The following TNFRSF10D variants were observed in gnomAD, a reference collection of about 807,000 sequenced individuals.
The protein encoded by TNFRSF10D is tumor necrosis factor receptor superfamily member 10D.
Under a neutral mutation model 42.1 loss-of-function variants are expected in TNFRSF10D, and 28 were observed. The observed-to-expected ratio is 0.66, with a 90% CI of 0.49 to 0.91. TNFRSF10D has a LOEUF of 0.91. Ranked by LOEUF, TNFRSF10D falls within the 40% of genes least tolerant of loss-of-function variation. TNFRSF10D has a pLI of 0.00. For synonymous variants in TNFRSF10D, 186 were observed against 189.4 expected, an observed-to-expected ratio of 0.98 and a Z score of 0.15; for missense variants, 503 against 486.1, an observed-to-expected ratio of 1.03 and a Z score of -0.33.
chr8:23,146,029 G>T, intron 4 of TNFRSF10D, 108 bp from the exon 5 acceptor site: 1 of 1,493,290 alleles, frequency 6.7e-7, no homozygotes, highest in Admixed American at 1.7e-5. Context: ...GGCGTCAGGA[G>T]GACAGGCTCC....
In TNFRSF10D at chr8:23,138,352, C is replaced by T. The variant is rs116682922; in HGVS notation, c.955-92G>A. 280 of 1,388,072 alleles carry T rather than the reference C, an allele frequency of 2.0e-4. No individual in the cohort carries two copies. The African/African-American group carries it at 2.8e-3, about 14-fold the overall frequency. The allele number at this position is 1,388,072 out of a possible 1,614,324, so 86.0% of individuals were successfully genotyped here. On this transcript the variant is annotated intron_variant, in intron 7 of 8. Transcript: ENST00000312584. ...CCACTAGCCAGCAAGAGACCTGCAG[C>T]GCTTTCCCTCTTGGGTCTCCATGGA... is the stretch of plus-strand genomic sequence containing the variant.
intron 2 of TNFRSF10D, among the ~76,000 whole-genome samples, chr8:23,149,343 T>C (rs1457727413): frequency 1.3e-5 from 2 of 151,616 alleles, no homozygotes. Flanking sequence ...GTTCAAGCGA[T>C]TCTCCTGCCT....
chr8:23,145,608 C>T lies in TNFRSF10D; in HGVS notation c.736+60G>A, dbSNP rs190369300. 1.1e-4 allele frequency: 171 copies of T among 1,608,168 alleles called. No individual in the cohort carries two copies. In the African/African-American group the frequency reaches 2.0e-3, roughly 19 times the overall value. On this transcript the variant is annotated intron_variant, in intron 5 of 8. Transcript: ENST00000312584. ...GGATGGGGATTACTGTCTGTGGGAA[C>T]GGAGTGGGAGAGGGCAGGGCAGACA... is the stretch of plus-strand genomic sequence containing the variant.
At chr8:23,142,928 G>A (rs1800052738) in intron 7 of TNFRSF10D, among the ~76,000 whole-genome samples, 1 of 152,072 alleles carries the variant, frequency 6.6e-6, no homozygotes, top group Non-Finnish European at 1.5e-5. Context: ...GGGGGCTGGA[G>A]GAAGTGTTAG....
At chr8:23,143,430 A>G (rs980663727) in intron 7 of TNFRSF10D, among the ~76,000 whole-genome samples, 6 of 152,248 alleles carry the variant, frequency 3.9e-5, no homozygotes, top group Admixed American at 3.9e-4. Context: ...GGAGTTTGAG[A>G]CCAGCCTGGG....
intron 2 of TNFRSF10D, among the ~76,000 whole-genome samples, chr8:23,149,089 C>T (rs1585261657): frequency 6.9e-6 from 1 of 145,416 alleles, no homozygotes; most frequent in East Asian, 2.2e-4. Context: ...ACTCGGGAGG[C>T]TGAGGCAGGA....
At chr8:23,148,582 G>A in intron 2 of TNFRSF10D, 31 bp from the exon 3 acceptor site, 2 of 1,527,628 alleles carry the variant, frequency 1.3e-6, no homozygotes, top group Non-Finnish European at 1.8e-6. Flanking sequence ...TAATGAATGA[G>A]TCACCACAGA....
rs775853874 is a variant in TNFRSF10D at position 23,163,812 on chromosome 8, C to T, written c.124G>A (p.Val42Ile). 6.2e-7 allele frequency: 1 copy of T among 1,609,432 alleles called. No individual in the cohort carries two copies. The highest frequency in any genetic ancestry group is 1.1e-5 in the South Asian group (1 of 90,138). ...LLDPKILKFV[V>I]FIVAVLLPVR... ...GGCAGCAGAACCGCGACGATGAAGA[C>T]GACGAACTTAAGGATCTTGGGGTCC... Residue 42 changes from valine (V) to isoleucine (I), a missense_variant, in exon 1 of 9, where the codon GTC becomes ATC. Physicochemically the swap from Val to Ile is conservative, Grantham distance 29. Coordinates refer to ENST00000312584, the MANE Select transcript of TNFRSF10D (RefSeq NM_003840.5).
chr8:23,150,603 T>G (rs1225379559), intron 2 of TNFRSF10D, among the ~76,000 whole-genome samples: 1 of 152,170 alleles, frequency 6.6e-6, no homozygotes, highest in Non-Finnish European at 1.5e-5. Flanking sequence ...AAAACAGTCA[T>G]CTTACAGAAG....
chr8:23,144,406 T>G, intron 7 of TNFRSF10D, 44 bp downstream of exon 7: 1 of 1,594,012 alleles, frequency 6.3e-7, no homozygotes, highest in Non-Finnish European at 8.6e-7. Context: ...CAAAGTCCTG[T>G]GCAGGCTGCA....
intron 1 of TNFRSF10D, among the ~76,000 whole-genome samples, chr8:23,156,652 C>A (rs1429819204): frequency 1.3e-5 from 2 of 151,908 alleles, no homozygotes; most frequent in Non-Finnish European, 2.9e-5. Flanking sequence ...ACAATCTCTG[C>A]CTCCCGGGCT....
intron 1 of TNFRSF10D, among the ~76,000 whole-genome samples, chr8:23,156,723 A>G (rs1585265231): frequency 6.6e-6 from 1 of 151,992 alleles, no homozygotes; most frequent in South Asian, 2.1e-4. Context: ...GAGTGCCCCA[A>G]TGCCTGGGCT....
chr8:23,147,264 C>A (rs550782183), intron 3 of TNFRSF10D, among the ~76,000 whole-genome samples, 192 bp from the exon 4 acceptor site: 45 of 152,098 alleles, frequency 3.0e-4, no homozygotes, highest in Non-Finnish European at 5.3e-4. Flanking sequence ...ACAAAAGGAC[C>A]GTGATTCATT....
chr8:23,163,578 C>A (rs1398691530), intron 1 of TNFRSF10D, among the ~76,000 whole-genome samples: 1 of 152,176 alleles, frequency 6.6e-6, no homozygotes, highest in Non-Finnish European at 1.5e-5. Flanking sequence ...AGGGGGAGCG[C>A]GCGCTCTGCT....
intron 2 of TNFRSF10D, among the ~76,000 whole-genome samples, chr8:23,153,448 A>G (rs1233902993): frequency 6.6e-6 from 1 of 152,238 alleles, no homozygotes; most frequent in Non-Finnish European, 1.5e-5. Flanking sequence ...ACAGGATGAG[A>G]GATCAATATC....
chr8:23,161,514 G>A (rs1487875362), intron 1 of TNFRSF10D, among the ~76,000 whole-genome samples: 9 of 152,172 alleles, frequency 5.9e-5, no homozygotes, highest in Admixed American at 1.3e-4. Flanking sequence ...GGCGTGGCAG[G>A]TGGCAGGGAC....
rs370765890 is a variant in TNFRSF10D, at chr8:23,145,502, T to G, written c.736+166A>C. 1.1e-3 allele frequency among the ~76,000 whole-genome samples: 166 copies of G among 151,950 alleles called. No individual in the cohort carries two copies. In the South Asian group the frequency reaches 0.014, roughly 13 times the overall value. Reference sequence around the variant, plus strand: ...GAGGGACTGATGAGACCAGGGTCCTTGGGGATACACAGGACGTGGGGATGG... The same window carrying G: ...GAGGGACTGATGAGACCAGGGTCCTGGGGGATACACAGGACGTGGGGATGG... On this transcript the variant is annotated intron_variant, in intron 5 of 8. Coordinates refer to ENST00000312584, the MANE Select transcript of TNFRSF10D (RefSeq NM_003840.5).
intron 6 of TNFRSF10D, 112 bp downstream of exon 6, chr8:23,144,944 CAG>C: frequency 6.7e-7 from 1 of 1,495,054 alleles, no homozygotes; most frequent in South Asian, 1.1e-5. Context: ...CAGGCCATGT[CAG>C]AGAGTCAGGG....
At chr8:23,141,849 C>A (rs1040384739) in intron 7 of TNFRSF10D, among the ~76,000 whole-genome samples, 1 of 152,146 alleles carries the variant, frequency 6.6e-6, no homozygotes, top group African/African-American at 2.4e-5. Context: ...GAAAAAGGAT[C>A]ATTTATATAC....
Sources: gnomAD v4.1 joint callset for allele counts (sites outside exome capture counted in the v4.1 genomes callset) on GRCh38, gnomAD v4.1.1 for gene constraint, MANE v1.5 for transcripts, NCBI Gene and HGNC (gene_info 2026-07-23, HGNC 2026-07-21) for gene names.